Variants in CNTNAP5 observed in about 807,000 individuals in gnomAD.
The protein encoded by CNTNAP5 is contactin-associated protein-like 5.
In CNTNAP5, 72 loss-of-function variants were observed where a neutral mutation model predicts 150.2. The observed-to-expected ratio is 0.48, with a 90% CI of 0.40 to 0.58. The LOEUF is 0.58. Among genes scored for constraint, CNTNAP5 ranks in the 20% least tolerant of loss-of-function variants. CNTNAP5 has a pLI of 0.00. For missense variants in CNTNAP5, 1,636 were observed against 1,626.2 expected, an observed-to-expected ratio of 1.01 and a Z score of -0.10; for synonymous variants, 672 against 619.8, an observed-to-expected ratio of 1.08 and a Z score of -1.25.
intron 11 of CNTNAP5, among the ~76,000 whole-genome samples, chr2:124,599,156 C>T (rs1056471402): frequency 3.9e-5 from 6 of 152,178 alleles, no homozygotes; most frequent in African/African-American, 1.4e-4. Context: ...ATTCGGCCAT[C>T]TTGGCTCCTC....
chr2:124,140,429 C>T (rs1178899933), intron 1 of CNTNAP5, among the ~76,000 whole-genome samples: 1 of 135,156 alleles, frequency 7.4e-6, no homozygotes, highest in Non-Finnish European at 1.6e-5. Context: ...TCCCAGCACG[C>T]AGCTGGAGAT....
At chr2:124,398,845 C>A (rs1691331409) in intron 3 of CNTNAP5, among the ~76,000 whole-genome samples, 2 of 152,048 alleles carry the variant, frequency 1.3e-5, no homozygotes, top group Admixed American at 6.6e-5. Context: ...ACACTGGAGG[C>A]CAAACAACTG....
rs147867338 is a variant in CNTNAP5, at chr2:124,119,156, G to A, written c.82+93424G>A. On this transcript the variant is annotated intron_variant, in intron 1 of 23. Coordinates refer to ENST00000682447, the MANE Select transcript of CNTNAP5 (RefSeq NM_001367498.1). Reference sequence around the variant, plus strand: ...TGTCAGTTCTAATGAATTCTATCCCGAGTTTCCTGACTACCTAGAAAGAAG... The same window carrying A: ...TGTCAGTTCTAATGAATTCTATCCCAAGTTTCCTGACTACCTAGAAAGAAG... Among the ~76,000 whole-genome samples the A allele has an allele frequency of 9.9e-5, 15 of 152,180 alleles. No individual in the cohort carries two copies. The East Asian group carries it at 2.5e-3, about 26-fold the overall frequency.
intron 3 of CNTNAP5, among the ~76,000 whole-genome samples, chr2:124,374,554 A>G (rs1315788400): frequency 6.6e-6 from 1 of 152,250 alleles, no homozygotes; most frequent in East Asian, 1.9e-4. Flanking sequence ...CACTTTTAGG[A>G]AAGTAGAGAA....
In CNTNAP5 at chr2:124,212,974, G is replaced by C. The variant is rs1023204231; in HGVS notation, c.83-8731G>C. On this transcript the variant is annotated intron_variant, in intron 1 of 23. Transcript: ENST00000682447. ...CTGCCTCAGCCTCCCGAGTAGCTGG[G>C]ACTACAGGCGCCTGGCACCACGCCC... is the stretch of plus-strand genomic sequence containing the variant. 2.0e-5 allele frequency among the ~76,000 whole-genome samples: 3 copies of C among 151,708 alleles called. No homozygotes were observed. The East Asian group carries it at 5.8e-4, about 29-fold the overall frequency.
At chr2:124,265,462 T>C (rs1211427640) in intron 3 of CNTNAP5, among the ~76,000 whole-genome samples, 1 of 152,180 alleles carries the variant, frequency 6.6e-6, no homozygotes. Flanking sequence ...ATCATTCCTG[T>C]CCTAATCCAT....
intron 16 of CNTNAP5, among the ~76,000 whole-genome samples, chr2:124,765,097 T>C (rs903585730): frequency 6.6e-6 from 1 of 152,140 alleles, no homozygotes; most frequent in African/African-American, 2.4e-5. Context: ...TACAAATAGA[T>C]AAGGTTTTAA....
At chr2:124,410,785 C>G (rs1334028046) in intron 3 of CNTNAP5, among the ~76,000 whole-genome samples, 1 of 149,936 alleles carries the variant, frequency 6.7e-6, no homozygotes, top group Non-Finnish European at 1.5e-5. Flanking sequence ...CAGGAAAGAT[C>G]CAAAATTGAC....
chr2:124,905,126 GT>G (rs55885763), intron 22 of CNTNAP5, among the ~76,000 whole-genome samples: 80 of 126,974 alleles, frequency 6.3e-4, no homozygotes, highest in Admixed American at 1.5e-3. Flanking sequence ...GTTTTTTTTT[GT>G]TTTTTTTTTT....
intron 8 of CNTNAP5, among the ~76,000 whole-genome samples, chr2:124,522,356 G>A (rs1028019618): frequency 6.6e-6 from 1 of 152,166 alleles, no homozygotes; most frequent in Non-Finnish European, 1.5e-5. Flanking sequence ...GCTACTTTTG[G>A]TGAGATCCTC....
chr2:124,865,730 G>A (rs562701400), intron 20 of CNTNAP5, among the ~76,000 whole-genome samples: 2 of 152,122 alleles, frequency 1.3e-5, no homozygotes, highest in African/African-American at 2.4e-5. Context: ...CAGATCAAGA[G>A]GTCAGGAGTT....
intron 1 of CNTNAP5, among the ~76,000 whole-genome samples, chr2:124,104,101 A>T (rs1270877939): frequency 6.7e-6 from 1 of 150,372 alleles, no homozygotes; most frequent in Non-Finnish European, 1.5e-5. Context: ...TCTGACTTGT[A>T]TCCTCCTCTA....
chr2:124,280,146 T>C (rs1687977739), intron 3 of CNTNAP5, among the ~76,000 whole-genome samples: 1 of 151,690 alleles, frequency 6.6e-6, no homozygotes, highest in Non-Finnish European at 1.5e-5. Flanking sequence ...TCTGTGATTA[T>C]TTTATATATA....
At chr2:124,476,327 A>C (rs1384352788) in intron 7 of CNTNAP5, among the ~76,000 whole-genome samples, 1 of 152,164 alleles carries the variant, frequency 6.6e-6, no homozygotes, top group Non-Finnish European at 1.5e-5. Flanking sequence ...ATTTTTGCCC[A>C]ATATTGACAA....
At chr2:124,847,498 G>A (rs1371116310) in intron 19 of CNTNAP5, among the ~76,000 whole-genome samples, 2 of 152,158 alleles carry the variant, frequency 1.3e-5, no homozygotes, top group African/African-American at 4.8e-5. Context: ...TCTATATCCA[G>A]GCAGCCAGAG....
chr2:124,905,927 G>T (rs1050173599), intron 22 of CNTNAP5, among the ~76,000 whole-genome samples: 5 of 152,172 alleles, frequency 3.3e-5, no homozygotes, highest in African/African-American at 1.2e-4. Context: ...GGTTGTGAAT[G>T]TGAGTTAGAT....
At chr2:124,717,478 TA>T (rs1195296070) in intron 13 of CNTNAP5, among the ~76,000 whole-genome samples, 1 of 152,208 alleles carries the variant, frequency 6.6e-6, no homozygotes, top group African/African-American at 2.4e-5. Context: ...CAGACAATTT[TA>T]AAAGCATTGA....
chr2:124,303,572 C>T (rs983402078), intron 3 of CNTNAP5, among the ~76,000 whole-genome samples: 6 of 152,012 alleles, frequency 3.9e-5, no homozygotes, highest in South Asian at 4.1e-4. Context: ...TTTAAAACAT[C>T]GACACATTGA....
chr2:124,620,298 A>C (rs1197909952), intron 12 of CNTNAP5, among the ~76,000 whole-genome samples: 1 of 151,982 alleles, frequency 6.6e-6, no homozygotes, highest in Non-Finnish European at 1.5e-5. Flanking sequence ...GCCCTGTTCC[A>C]TTAAATCAAT....
Sources: gnomAD v4.1 joint callset for allele counts (sites outside exome capture counted in the v4.1 genomes callset) on GRCh38, gnomAD v4.1.1 for gene constraint, MANE v1.5 for transcripts, NCBI Gene and HGNC (gene_info 2026-07-23, HGNC 2026-07-21) for gene names.